The following HDX variants were observed in gnomAD, a reference collection of about 807,000 sequenced individuals.
HDX encodes highly divergent homeobox, also known as chromosome X open reading frame 43.
In HDX, 19 loss-of-function variants were observed where a neutral mutation model predicts 45.2. The observed-to-expected ratio is 0.42, with a 90% CI of 0.29 to 0.62. HDX has a LOEUF of 0.62. HDX is among the 20% of genes least tolerant of loss of function. The pLI is 0.20. For synonymous variants in HDX, 188 were observed against 172.8 expected (o/e 1.09, Z -0.69); for missense variants, 532 against 493.9 (o/e 1.08, Z -0.73).
chrX:84,456,066 C>T (rs58978653), intron 4 of HDX, among the ~76,000 whole-genome samples: 1,928 of 111,571 alleles, frequency 0.017, 37 homozygotes, highest in African/African-American at 0.049. Context: ...CTACAAGAAA[C>T]GCTAAAGGGA....
At chrX:84,366,407 C>T (rs967918882) in intron 5 of HDX, among the ~76,000 whole-genome samples, 3 of 111,637 alleles carry the variant, frequency 2.7e-5, no homozygotes, top group Non-Finnish European at 5.6e-5. Flanking sequence ...GCCATAGTGC[C>T]CAAAGTAATT....
At chrX:84,374,694 T>G (rs990574502) in intron 5 of HDX, among the ~76,000 whole-genome samples, 21 of 109,831 alleles carry the variant, frequency 1.9e-4, no homozygotes, top group East Asian at 2.8e-4. Flanking sequence ...TAGCCATATG[T>G]AGAAAGCTGA....
At chrX:84,349,517 G>T (rs1203686280) in intron 6 of HDX, among the ~76,000 whole-genome samples, 2 of 95,294 alleles carry the variant, frequency 2.1e-5, no homozygotes, top group African/African-American at 7.8e-5. Context: ...ATGTATAAAT[G>T]TGTGTGTGTA....
At chrX:84,332,336 G>A (rs2036860072) in intron 9 of HDX, among the ~76,000 whole-genome samples, 1 of 111,883 alleles carries the variant, frequency 8.9e-6, no homozygotes, top group South Asian at 3.7e-4. Flanking sequence ...TAATGGGGTA[G>A]TGAATGACCC....
Position 84,322,013 on chromosome X carries a change from G to A in HDX, c.1949C>T (p.Ala650Val). The A allele has an allele frequency of 8.7e-7, 1 of 1,145,506 alleles. No homozygotes were observed. Among genetic ancestry groups the A allele is most frequent in the Admixed American group, 2.5e-5 (1 of 40,220 alleles). 94.4% of individuals were successfully genotyped at this position (1,145,506 alleles called of 1,213,427 possible). A position where few individuals can be genotyped will look rare whatever the true frequency, so the allele number is the denominator to read the frequency against. ...TTCAGGAGGTAAATCTGACAGCAGT[G>A]CCTGAATAAAAAAAATAATATTTTT... is the stretch of plus-strand genomic sequence containing the variant. Reference protein sequence around the residue: ...MKADDKEQQQALLSDLPPELE... With the variant: ...MKADDKEQQQVLLSDLPPELE... The change falls in exon 11 of 11, where the codon GCA becomes GTA. Residue 650 changes from alanine (A) to valine (V), a missense_variant and splice_region_variant. Ala to Val is a moderately conservative substitution (Grantham distance 64). This residue lies in a region of HDX where 151 missense variants were observed against 131.8 expected (regional missense o/e 1.15). Coordinates refer to ENST00000373177, the MANE Select transcript of HDX (RefSeq NM_001177479.2).
At chrX:84,471,283 A>AGATAGATT (rs1556037853) in intron 3 of HDX, among the ~76,000 whole-genome samples, 1 of 109,194 alleles carries the variant, frequency 9.2e-6, no homozygotes, top group Non-Finnish European at 1.9e-5. Context: ...ATAGATAGAT[A>AGATAGATT]GATTTTCATT....
chrX:84,473,665 A>G (rs937140216), intron 3 of HDX, among the ~76,000 whole-genome samples: 3 of 111,218 alleles, frequency 2.7e-5, no homozygotes, highest in African/African-American at 9.8e-5. Flanking sequence ...GTAAGTTATG[A>G]GAAGTTTGCA....
chrX:84,471,123 A>C (rs780971902), intron 3 of HDX, among the ~76,000 whole-genome samples: 12 of 111,598 alleles, frequency 1.1e-4, no homozygotes, highest in African/African-American at 2.9e-4. Flanking sequence ...AGACCACATA[A>C]ATTGTCCAAT....
chrX:84,460,554 C>T (rs1355062778), intron 4 of HDX, among the ~76,000 whole-genome samples: 4 of 111,222 alleles, frequency 3.6e-5, no homozygotes, highest in Non-Finnish European at 7.6e-5. Context: ...TACCACAACA[C>T]ATTAAAAACC....
At chrX:84,476,784 A>C (rs1196685461) in intron 2 of HDX, among the ~76,000 whole-genome samples, 1 of 111,700 alleles carries the variant, frequency 9.0e-6, no homozygotes, top group Admixed American at 9.6e-5. Context: ...CCAGTCATCC[A>C]GTGCAATCTG....
intron 6 of HDX, among the ~76,000 whole-genome samples, chrX:84,351,019 CT>C (rs1174806506): frequency 1.2e-5 from 1 of 83,430 alleles, no homozygotes; most frequent in Non-Finnish European, 2.3e-5. Context: ...GGCTATCTAT[CT>C]ATCTATCTAT....
chrX:84,327,600 G>C (rs1036235696), intron 9 of HDX, among the ~76,000 whole-genome samples: 2 of 110,867 alleles, frequency 1.8e-5, no homozygotes, highest in African/African-American at 6.6e-5. Context: ...CAAAAAAAAA[G>C]TTATCGGCCC....
chrX:84,375,885 A>C (rs1333329823), intron 5 of HDX, among the ~76,000 whole-genome samples: 1 of 111,908 alleles, frequency 8.9e-6, no homozygotes, highest in Admixed American at 9.5e-5. Flanking sequence ...CCTAAAACTT[A>C]AAGTATAATA....
Position 84,371,481 on chromosome X carries a change from A to G in HDX, c.1306-9869T>C, listed in dbSNP as rs559984536. Among the ~76,000 whole-genome samples, 53 of 112,352 alleles carry G rather than the reference A, an allele frequency of 4.7e-4. 1 individual carries two copies. In the South Asian group the frequency reaches 0.018, roughly 39 times the overall value. ...AACAGGAGAATCACAGGTACCTGAG[A>G]GAATAAACTGCTTTTTTAGAAAGAG... On this transcript the variant is annotated intron_variant, in intron 5 of 10. Coordinates refer to ENST00000373177, the MANE Select transcript of HDX (RefSeq NM_001177479.2).
At chrX:84,497,798 C>T (rs1313167297) in intron 1 of HDX, among the ~76,000 whole-genome samples, 2 of 110,409 alleles carry the variant, frequency 1.8e-5, no homozygotes, top group Admixed American at 9.7e-5. Context: ...CTCACTGTAG[C>T]TCCTTAACTT....
At chrX:84,418,603 T>G (rs2039171702) in intron 5 of HDX, among the ~76,000 whole-genome samples, 2 of 110,228 alleles carry the variant, frequency 1.8e-5, no homozygotes, top group Admixed American at 1.9e-4. Flanking sequence ...TCAACAAACT[T>G]AAAGGCACTT....
Position 84,412,249 on chromosome X carries a change from A to G in HDX, c.1305+28283T>C, listed in dbSNP as rs2039005305. Among the ~76,000 whole-genome samples, 5 of 111,394 alleles carry G rather than the reference A, an allele frequency of 4.5e-5. 1 individual carries two copies. In the South Asian group the frequency reaches 1.9e-3, roughly 42 times the overall value. ...AGACTTGATTGTGTAGTTGCTTTAC[A>G]GTGTCAATGGTCTATGTACTTAAGT... is the stretch of plus-strand genomic sequence containing the variant. On this transcript the variant is annotated intron_variant, in intron 5 of 10. Coordinates refer to ENST00000373177, the MANE Select transcript of HDX (RefSeq NM_001177479.2).
intron 4 of HDX, among the ~76,000 whole-genome samples, chrX:84,465,529 A>G (rs1276039047): frequency 8.9e-6 from 1 of 112,212 alleles, no homozygotes; most frequent in Non-Finnish European, 1.9e-5. Context: ...AGGAGCATGG[A>G]TGAAGTTGGA....
At chrX:84,483,007 G>T (rs949180769) in intron 2 of HDX, among the ~76,000 whole-genome samples, 2 of 112,016 alleles carry the variant, frequency 1.8e-5, no homozygotes, top group African/African-American at 6.5e-5. Flanking sequence ...GTTCCAAAGT[G>T]ATCTCCTTTG....
Sources: gnomAD v4.1 joint callset for allele counts (sites outside exome capture counted in the v4.1 genomes callset) on GRCh38, gnomAD v4.1.1 for gene constraint, gnomAD v4.1.1 regional missense constraint, MANE v1.5 for transcripts, NCBI Gene and HGNC (gene_info 2026-07-23, HGNC 2026-07-21) for gene names.